The following GAS2L3 variants were observed in gnomAD, a reference collection of about 807,000 sequenced individuals.
GAS2L3 encodes growth arrest specific 2 like 3, also known as GAS2-like protein 3.
GAS2L3 carries 28 observed loss-of-function variants against 37.0 expected under a neutral mutation model. That is an observed-to-expected ratio of 0.76 (90% CI 0.56 to 1.04). The LOEUF is 1.04. Ranked by LOEUF, GAS2L3 falls within the 50% of genes least tolerant of loss-of-function variation. The pLI is 0.00. For synonymous variants in GAS2L3, 290 were observed against 296.6 expected (o/e 0.98, Z 0.23); for missense variants, 793 against 817.6 (o/e 0.97, Z 0.37).
At chr12:100,615,315 T>G (rs1377198064) in intron 6 of GAS2L3, among the ~76,000 whole-genome samples, 1 of 152,214 alleles carries the variant, frequency 6.6e-6, no homozygotes, top group African/African-American at 2.4e-5. Flanking sequence ...AGACTATCTA[T>G]TCAAATCCTT....
In GAS2L3 at chr12:100,600,461, G is replaced by T. The variant is rs1483253153; in HGVS notation, c.98G>T (p.Cys33Phe). The T allele has an allele frequency of 1.2e-6, 2 of 1,613,422 alleles. No homozygotes were observed. Among genetic ancestry groups the T allele is most frequent in the Non-Finnish European group, 8.5e-7 (1 of 1,179,536 alleles). The change falls in exon 4 of 10, where the codon TGT (cysteine) becomes TTT (phenylalanine). Residue 33 changes from cysteine to phenylalanine, a missense_variant. Coordinates refer to ENST00000547754, the MANE Select transcript of GAS2L3 (RefSeq NM_174942.3). Reference protein sequence around the residue: ...PRHGPGLANVCQYDEWIAVRH... With the variant: ...PRHGPGLANVFQYDEWIAVRH... ...CACGGACCAGGATTGGCTAATGTTT[G>T]TCAGTACGATGAGTGGATAGCTGTG...
chr12:100,577,178 A>G (rs1440836109), intron 1 of GAS2L3, among the ~76,000 whole-genome samples: 2 of 152,210 alleles, frequency 1.3e-5, no homozygotes, highest in East Asian at 1.9e-4. Flanking sequence ...ATATTTTCAT[A>G]TCAGTGCATA....
intron 5 of GAS2L3, among the ~76,000 whole-genome samples, chr12:100,607,447 G>A (rs1344749406): frequency 6.6e-6 from 1 of 152,010 alleles, no homozygotes; most frequent in East Asian, 1.9e-4. Flanking sequence ...TCTTGTACTT[G>A]AATATTGGTA....
At chr12:100,589,288 G>A (rs1287247597) in intron 1 of GAS2L3, among the ~76,000 whole-genome samples, 3 of 151,342 alleles carry the variant, frequency 2.0e-5, no homozygotes, top group Non-Finnish European at 4.4e-5. Flanking sequence ...TACACCAACA[G>A]CAACCAAACA....
chr12:100,608,508 G>A (rs1956085476), intron 5 of GAS2L3, among the ~76,000 whole-genome samples: 1 of 152,158 alleles, frequency 6.6e-6, no homozygotes, highest in Non-Finnish European at 1.5e-5. Flanking sequence ...CAGAGATGCT[G>A]TCTAGGAGTG....
chr12:100,593,919 G>A (rs1955877935), intron 2 of GAS2L3: 1 of 151,920 alleles, frequency 6.6e-6, no homozygotes, highest in Admixed American at 6.6e-5. Context: ...TTTTCAGTAT[G>A]GTTTAGCTCA....
chr12:100,593,777 T>C (rs1955876229), intron 2 of GAS2L3: 1 of 152,106 alleles, frequency 6.6e-6, no homozygotes, highest in South Asian at 2.1e-4. Context: ...GTGGGAAGCA[T>C]AACAAGCTCA....
intron 1 of GAS2L3, chr12:100,579,972 A>T: frequency 1.1e-6 from 1 of 880,206 alleles, no homozygotes; most frequent in Non-Finnish European, 2.0e-6. Flanking sequence ...GCCAATGGAC[A>T]AACAACTGGA....
chr12:100,621,877 G>T lies in GAS2L3; in HGVS notation c.649-398G>T, dbSNP rs375115050. Among the ~76,000 whole-genome samples the T allele has an allele frequency of 8.2e-3, 1,076 of 131,602 alleles. 7 individuals carry two copies. Among genetic ancestry groups the T allele is most frequent in the South Asian group, 0.014 (49 of 3,412 alleles). 86.3% of individuals were successfully genotyped at this position (131,602 alleles called of 152,430 possible). The stretch of plus-strand genomic sequence containing the variant: ...GAAGGGTGGTGGGGAGGGAGGGTGG[G>T]GGGGGGAGAGAGAGAGAGAGAGAGA... On this transcript the variant is annotated intron_variant, in intron 8 of 9. Transcript: ENST00000547754.
chr12:100,618,569 T>G lies in GAS2L3; in HGVS notation c.630T>G (p.His210Gln). ...SISIPKSCCRHEELHEAVKHI... is the reference protein window; with the variant it reads ...SISIPKSCCRQEELHEAVKHI... Reference sequence around the variant, plus strand: ...GCATTCCAAAATCATGCTGTCGGCATGAAGAGCTACATGAAGCTGTAAGTA... The same window carrying G: ...GCATTCCAAAATCATGCTGTCGGCAGGAAGAGCTACATGAAGCTGTAAGTA... The change falls in exon 8 of 10, where the codon CAT becomes CAG. Residue 210 changes from histidine to glutamine, a missense_variant. His to Gln is a conservative substitution (Grantham distance 24). Coordinates refer to ENST00000547754, the MANE Select transcript of GAS2L3 (RefSeq NM_174942.3). 6.2e-7 allele frequency: 1 copy of G among 1,611,738 alleles called. No homozygotes were observed. Among genetic ancestry groups the G allele is most frequent in the South Asian group, 1.1e-5 (1 of 90,568 alleles).
chr12:100,618,472 T>C lies in GAS2L3; in HGVS notation c.533T>C (p.Leu178Ser), dbSNP rs761954272. 1.1e-5 allele frequency: 17 copies of C among 1,611,200 alleles called. No homozygotes were observed. In the Admixed American group the frequency reaches 2.3e-4, roughly 22 times the overall value. Residue 178 changes from leucine to serine, a missense_variant, in exon 8 of 10, where the codon TTA (leucine) becomes TCA (serine). Physicochemically the swap from Leu to Ser is moderately radical, Grantham distance 145. Coordinates refer to ENST00000547754, the MANE Select transcript of GAS2L3 (RefSeq NM_174942.3). The part of the protein sequence containing the change: ...VSRYGVEPPV[L>S]VKLEKEIELE... ...AGATACGGGGTTGAGCCACCAGTGT[T>C]AGTAAAACTTGAGAAAGAAATTGAG...
rs1387607400 is a variant in GAS2L3 at position 100,582,001 on chromosome 12, A to T, written c.-152+8216A>T. ...GTAAATTTGTTTTACATAAATCTTA[A>T]TTTTCAACTTTCCTAGATACTGTCA... On this transcript the variant is annotated intron_variant, in intron 1 of 9. Coordinates refer to ENST00000547754, the MANE Select transcript of GAS2L3 (RefSeq NM_174942.3). 2.6e-5 allele frequency among the ~76,000 whole-genome samples: 4 copies of T among 152,302 alleles called. No homozygotes were observed. In the East Asian group the frequency reaches 5.8e-4, roughly 22 times the overall value.
intron 6 of GAS2L3, among the ~76,000 whole-genome samples, chr12:100,614,123 T>C (rs550448400): frequency 3.3e-5 from 5 of 152,256 alleles, no homozygotes; most frequent in Non-Finnish European, 5.9e-5. Flanking sequence ...TGCATTTCCT[T>C]TTATATTTAT....
chr12:100,626,322 A>G lies in GAS2L3; in HGVS notation c.*1432A>G, dbSNP rs982196380. 3 of 152,224 alleles carry G rather than the reference A, an allele frequency of 2.0e-5. No individual in the cohort carries two copies. The highest frequency in any genetic ancestry group is 1.3e-4 in the Admixed American group (2 of 15,282). The allele number at this position is 152,224 out of a possible 1,614,324, so 9.4% of individuals were successfully genotyped here. ...AGATTACAAAGCAAGAAAACTTTCT[A>G]TGAAGATAAATGACCTTTTGCCTGA... On this transcript the variant is annotated 3_prime_UTR_variant, in exon 10 of 10. Transcript: ENST00000547754.
chr12:100,618,648 C>G, intron 8 of GAS2L3, 61 bp downstream of exon 8: 1 of 1,456,976 alleles, frequency 6.9e-7, no homozygotes, highest in Non-Finnish European at 9.3e-7. Flanking sequence ...GTTTTAAGCA[C>G]TTCTAGTGTG....
Position 100,626,461 on chromosome 12 carries a change from G to A in GAS2L3, c.*1571G>A, listed in dbSNP as rs1188473543. On this transcript the variant is annotated 3_prime_UTR_variant, in exon 10 of 10. Coordinates refer to ENST00000547754, the MANE Select transcript of GAS2L3 (RefSeq NM_174942.3). ...TGGTTTAACTCGACTATTGACTTGGGCATTGAGAGAGATGATATATACATC... is the reference window on the plus strand; with the variant it reads ...TGGTTTAACTCGACTATTGACTTGGACATTGAGAGAGATGATATATACATC... 1 of 152,156 alleles carries A rather than the reference G, an allele frequency of 6.6e-6. No homozygotes were observed. The highest frequency in any genetic ancestry group is 2.4e-5 in the African/African-American group (1 of 41,456). The allele number at this position is 152,156 out of a possible 1,614,324, so 9.4% of individuals were successfully genotyped here. A position where few individuals can be genotyped will look rare whatever the true frequency, so the allele number is the denominator to read the frequency against.
At chr12:100,587,076 G>T (rs1955790119) in intron 1 of GAS2L3, among the ~76,000 whole-genome samples, 1 of 152,056 alleles carries the variant, frequency 6.6e-6, no homozygotes, top group Non-Finnish European at 1.5e-5. Context: ...AGATTGAAAT[G>T]GTAATTAAGA....
At chr12:100,575,397 A>G (rs912745980) in intron 1 of GAS2L3, among the ~76,000 whole-genome samples, 4 of 151,436 alleles carry the variant, frequency 2.6e-5, no homozygotes, top group African/African-American at 7.3e-5. Flanking sequence ...ACACATCATT[A>G]TATATCAGGT....
At chr12:100,590,794 G>C (rs1955837115) in intron 1 of GAS2L3, among the ~76,000 whole-genome samples, 2 of 152,184 alleles carry the variant, frequency 1.3e-5, no homozygotes. Context: ...ACCTGGATGA[G>C]ATTGAAGACT....
Sources: gnomAD v4.1 joint callset for allele counts (sites outside exome capture counted in the v4.1 genomes callset) on GRCh38, gnomAD v4.1.1 for gene constraint, MANE v1.5 for transcripts, NCBI Gene and HGNC (gene_info 2026-07-23, HGNC 2026-07-21) for gene names.